The following HEXD variants were observed in gnomAD, a reference collection of about 807,000 sequenced individuals.
The protein encoded by HEXD is N-acetyl-beta-galactosaminidase.
Under a neutral mutation model 54.2 loss-of-function variants are expected in HEXD, and 47 were observed. The observed-to-expected ratio is 0.87, with a 90% CI of 0.69 to 1.11. The LOEUF (loss-of-function observed/expected upper bound fraction) is 1.11. Among genes scored for constraint, HEXD ranks in the 50% least tolerant of loss-of-function variants. The probability of loss-of-function intolerance (pLI) is 0.00; values close to 1 mark genes in which losing one functional copy is unlikely to be tolerated. For synonymous variants in HEXD, 293 were observed against 287.6 expected (o/e 1.02, Z -0.19); for missense variants, 576 against 649.2 (o/e 0.89, Z 1.23).
At chr17:82,441,443 G>C (rs1014054386) in intron 11 of HEXD, among the ~76,000 whole-genome samples, 177 bp downstream of exon 11, 1 of 150,192 alleles carries the variant, frequency 6.7e-6, no homozygotes, top group African/African-American at 2.5e-5. Context: ...AGGTGCAGGT[G>C]AACAGGCAGG....
chr17:82,424,542 A>C (rs748485715), intron 3 of HEXD, 39 bp downstream of exon 3: 1 of 1,458,114 alleles, frequency 6.9e-7, no homozygotes, highest in Non-Finnish European at 9.6e-7. Context: ...CGCGGCGTGA[A>C]AGCGGGGAAG....
At chr17:82,439,942 C>T (rs1260300573) in intron 9 of HEXD, 19 of 1,509,404 alleles carry the variant, frequency 1.3e-5, no homozygotes, top group South Asian at 6.0e-5. Flanking sequence ...TGGAGAGTGA[C>T]GCGGGAGGCA....
intron 3 of HEXD, chr17:82,425,648 AAAC>A (rs2053391612): frequency 6.6e-6 from 1 of 152,398 alleles, no homozygotes; most frequent in African/African-American, 2.4e-5. Flanking sequence ...CCAAAGGAAG[AAAC>A]AAAAAAGGCC....
At chr17:82,422,108 G>A (rs544986119) in intron 2 of HEXD, among the ~76,000 whole-genome samples, 1 of 151,248 alleles carries the variant, frequency 6.6e-6, no homozygotes, top group African/African-American at 2.4e-5. Flanking sequence ...GGAGGTTGCA[G>A]TAAGCCGAGA....
At position 82,418,380 on chromosome 17, in the gene HEXD, G is replaced by T; in HGVS notation, c.-412G>T. 7.1e-7 allele frequency: 1 copy of T among 1,403,636 alleles called. No individual in the cohort carries two copies. Among genetic ancestry groups the T allele is most frequent in the African/African-American group, 1.5e-5 (1 of 65,782 alleles). 86.9% of individuals were successfully genotyped at this position (1,403,636 alleles called of 1,614,324 possible). On this transcript the variant is annotated 5_prime_UTR_variant, in exon 1 of 13. Transcript: ENST00000327949. ...CCACTCCATGGCCCTGTCCGCCGCC[G>T]CAGCGCGCGCCCTTCCCCTCCTCAC... is the stretch of plus-strand genomic sequence containing the variant.
intron 4 of HEXD, among the ~76,000 whole-genome samples, chr17:82,433,129 T>TATATATATATATA (rs1555617733): frequency 8.3e-4 from 7 of 8,448 alleles, no homozygotes; most frequent in African/African-American, 1.7e-3. Context: ...TATATATATA[T>TATATATATATATA]TTTTTTTTTT....
chr17:82,422,131 G>T (rs1437619510), intron 2 of HEXD, among the ~76,000 whole-genome samples: 3 of 142,036 alleles, frequency 2.1e-5, no homozygotes, highest in Admixed American at 1.4e-4. Flanking sequence ...GTGCCACTGC[G>T]CTCCAGCCTG....
At chr17:82,437,605 C>T (rs990601748) in intron 8 of HEXD, among the ~76,000 whole-genome samples, 4 of 147,026 alleles carry the variant, frequency 2.7e-5, no homozygotes, top group African/African-American at 5.1e-5. Flanking sequence ...CCATGCTACC[C>T]GTGTGCGCCG....
At position 82,442,277 on chromosome 17, in the gene HEXD, C is replaced by T; in HGVS notation, c.1354C>T (p.His452Tyr). Residue 452 changes from histidine to tyrosine, a missense_variant, in exon 13 of 13, where the codon CAC (histidine) becomes TAC (tyrosine). Transcript: ENST00000327949. The surrounding 1 kb of genome is among the most constrained non-coding windows in gnomAD (Gnocchi z 6.8). ...AVEEWLEENV[H>Y]PSLQRLQALL... ...GGAGGAGTGGCTGGAGGAAAACGTG[C>T]ACCCCAGCCTGCAGCGGCTGCAAGC... 1 of 1,607,366 alleles carries T rather than the reference C, an allele frequency of 6.2e-7. No individual in the cohort carries two copies.
At position 82,433,111 on chromosome 17, in the gene HEXD, T is replaced by A. The variant is rs1183525401; in HGVS notation, c.283-547T>A. ...AAAAAAATATATATATATATATATA[T>A]ATATATATATATATATATTTTTTTT... On this transcript the variant is annotated intron_variant, in intron 4 of 12. Coordinates refer to ENST00000327949, the MANE Select transcript of HEXD (RefSeq NM_001330542.2). 1.7e-3 allele frequency among the ~76,000 whole-genome samples: 22 copies of A among 13,292 alleles called. 2 individuals carry two copies. The highest frequency in any genetic ancestry group is 5.0e-3 in the African/African-American group (6 of 1,210). 8.7% of individuals were successfully genotyped at this position (13,292 alleles called of 152,430 possible). A position where few individuals can be genotyped will look rare whatever the true frequency, so the allele number is the denominator to read the frequency against.
chr17:82,436,412 C>T (rs28689115), intron 6 of HEXD, among the ~76,000 whole-genome samples: 1,798 of 152,342 alleles, frequency 0.012, 34 homozygotes, highest in African/African-American at 0.041. Flanking sequence ...CTCCATTCAG[C>T]CGCGTGCTCC....
chr17:82,423,796 G>C (rs1483183578), intron 2 of HEXD, among the ~76,000 whole-genome samples: 4 of 147,342 alleles, frequency 2.7e-5, no homozygotes, highest in African/African-American at 7.7e-5. Context: ...CTGGGCGAGA[G>C]AGCGAGACTC....
chr17:82,436,533 C>A, intron 6 of HEXD, 134 bp from the exon 7 acceptor site: 2 of 707,778 alleles, frequency 2.8e-6, no homozygotes, highest in Non-Finnish European at 4.7e-6. Flanking sequence ...ATTGTCAAAA[C>A]CCAGCACGGT....
At chr17:82,430,535 A>AC (rs969859830) in intron 4 of HEXD, among the ~76,000 whole-genome samples, 1 of 151,992 alleles carries the variant, frequency 6.6e-6, no homozygotes, top group Non-Finnish European at 1.5e-5. Flanking sequence ...TTACAGGTGT[A>AC]CCCCACCATG....
intron 8 of HEXD, among the ~76,000 whole-genome samples, chr17:82,438,555 C>G (rs571685061): frequency 6.6e-6 from 1 of 152,238 alleles, no homozygotes; most frequent in Non-Finnish European, 1.5e-5. Flanking sequence ...AAAAGCAGAG[C>G]TAAGATAAAC....
chr17:82,432,493 G>T (rs1342578769), intron 4 of HEXD, among the ~76,000 whole-genome samples: 4 of 152,184 alleles, frequency 2.6e-5, no homozygotes, highest in Non-Finnish European at 5.9e-5. Context: ...GAGGGGGAAG[G>T]GGGCAGTGAG....
At chr17:82,440,717 G>T (rs1294735551) in intron 9 of HEXD, 1 of 489,134 alleles carries the variant, frequency 2.0e-6, no homozygotes, top group African/African-American at 2.0e-5. Context: ...CGCCCAGCAG[G>T]AAGAGCCACT....
intron 4 of HEXD, among the ~76,000 whole-genome samples, chr17:82,433,113 TATATATATA>T (rs2053644592): frequency 1.9e-4 from 3 of 15,680 alleles, no homozygotes; most frequent in African/African-American, 1.1e-3. Context: ...TATATATATA[TATATATATA>T]TATATATTTT....
At chr17:82,435,552 GC>G (rs2053735189) in intron 5 of HEXD, 136 bp from the exon 6 acceptor site, 1 of 775,138 alleles carries the variant, frequency 1.3e-6, no homozygotes, top group East Asian at 2.7e-5. Context: ...GGGGTGGTAA[GC>G]AAAGGCTCCG....
Sources: allele counts gnomAD v4.1 joint callset (sites outside exome capture counted in the v4.1 genomes callset), GRCh38; gene constraint gnomAD v4.1.1; non-coding constraint Gnocchi (gnomAD v3.1); transcripts MANE v1.5; gene names NCBI Gene and HGNC (gene_info 2026-07-23, HGNC 2026-07-21).